C1orf53: variants seen among roughly 807,000 people sequenced by gnomAD.
C1orf53 encodes uncharacterized protein C1orf53.
Under a neutral mutation model 17.5 loss-of-function variants are expected in C1orf53, and 23 were observed. The ratio of observed to expected loss-of-function variants is 1.31; its 90% CI spans 0.94 to 1.86. The LOEUF (loss-of-function observed/expected upper bound fraction) is 1.86. C1orf53 is among the 40% of genes most tolerant of loss of function. C1orf53 has a pLI of 0.00. For synonymous variants in C1orf53, 108 were observed against 81.9 expected (o/e 1.32, Z -1.72); for missense variants, 255 against 193.2 (o/e 1.32, Z -1.89).
chr1:197,904,389 AGG>A lies in C1orf53; in HGVS notation c.265-1404_265-1403del, dbSNP rs1180077084. Among the ~76,000 whole-genome samples the A allele has an allele frequency of 2.0e-5, 3 of 152,364 alleles. No individual in the cohort carries two copies. The East Asian group carries it at 5.8e-4, about 29-fold the overall frequency. On this transcript the variant is annotated intron_variant, in intron 1 of 2. Coordinates refer to ENST00000367393, the MANE Select transcript of C1orf53 (RefSeq NM_001024594.3). ...CAATCAACATGGAAAGCTGTAGAGC[AGG>A]GGCATGCGCAGGAGCAATCTGTTAG...
rs201010526 is a variant in C1orf53, at chr1:197,902,733, G to C, written c.84G>C (p.Trp28Cys). 2 of 1,560,396 alleles carry C rather than the reference G, an allele frequency of 1.3e-6. No individual in the cohort carries two copies. The highest frequency in any genetic ancestry group is 1.8e-5 in the Admixed American group (1 of 55,270). The change falls in exon 1 of 3, where the codon TGG becomes TGC. Residue 28 changes from tryptophan (W) to cysteine (C), a missense_variant. Coordinates refer to ENST00000367393, the MANE Select transcript of C1orf53 (RefSeq NM_001024594.3). ...CCGCCCCGCCGCCAGCACCTCTCTG[G>C]GTAAGAGCTGGGTTCCGACAGCAGC... is the stretch of plus-strand genomic sequence containing the variant. ...PSAAPPPAPL[W>C]VRAGFRQQLS...
intron 1 of C1orf53, 81 bp downstream of exon 1, chr1:197,902,994 C>T: frequency 4.8e-6 from 6 of 1,248,008 alleles, no homozygotes; most frequent in Admixed American, 4.3e-5. Context: ...CCTCTCCGGA[C>T]CCGGAGGCCG....
chr1:197,905,778 C>T lies in C1orf53; in HGVS notation c.265-18C>T. On this transcript the variant is annotated intron_variant, in intron 1 of 2. Coordinates refer to ENST00000367393, the MANE Select transcript of C1orf53 (RefSeq NM_001024594.3). ...GAATATTGAGATTAATGAATTGTTTCATTTTATTGCACTTCAGGCTGGCCA... is the reference window on the plus strand; with the variant it reads ...GAATATTGAGATTAATGAATTGTTTTATTTTATTGCACTTCAGGCTGGCCA... 6.6e-7 allele frequency: 1 copy of T among 1,517,838 alleles called. No homozygotes were observed. The highest frequency in any genetic ancestry group is 9.1e-7 in the Non-Finnish European group (1 of 1,093,232). The allele number at this position is 1,517,838 out of a possible 1,614,324, so 94.0% of individuals were successfully genotyped here. A position where few individuals can be genotyped will look rare whatever the true frequency, so the allele number is the denominator to read the frequency against.
intron 1 of C1orf53, 91 bp downstream of exon 1, chr1:197,903,004 G>T (rs1571766615): frequency 8.4e-7 from 1 of 1,192,466 alleles, no homozygotes; most frequent in Middle Eastern, 3.1e-4. Context: ...CCCGGAGGCC[G>T]CCCGGCAGAG....
In C1orf53 at chr1:197,902,800, G is replaced by T; in HGVS notation, c.151G>T (p.Gly51Cys). 2.5e-6 allele frequency: 4 copies of T among 1,579,712 alleles called. No individual in the cohort carries two copies. The South Asian group carries it at 4.6e-5, about 18-fold the overall frequency. ...LCPANEGNCG[G>C]SAPSTPGRPE... The stretch of plus-strand genomic sequence containing the variant: ...CCCTGCTAACGAGGGAAACTGCGGC[G>T]GCTCCGCGCCCAGCACGCCCGGTAG... The change falls in exon 1 of 3, where the codon GGC becomes TGC. Residue 51 changes from glycine to cysteine, a missense_variant. Physicochemically the swap from Gly to Cys is radical, Grantham distance 159 (BLOSUM62 -3). Transcript: ENST00000367393.
chr1:197,902,894 T>G lies in C1orf53; in HGVS notation c.245T>G (p.Leu82Arg), dbSNP rs1156947622. 2.0e-6 allele frequency: 3 copies of G among 1,482,608 alleles called. No homozygotes were observed. Among genetic ancestry groups the G allele is most frequent in the Admixed American group, 2.3e-5 (1 of 43,588 alleles). 91.8% of individuals were successfully genotyped at this position (1,482,608 alleles called of 1,614,324 possible). The stretch of plus-strand genomic sequence containing the variant: ...GCGGCGGAGCGACAGATCGCGGAGC[T>G]GCACGCTGCCGCCTGCGCGGTGAGA... ...LTAAERQIAELHAAACAAGQL... is the reference protein window; with the variant it reads ...LTAAERQIAERHAAACAAGQL... The change falls in exon 1 of 3, where the codon CTG becomes CGG. Residue 82 changes from leucine to arginine, a missense_variant. Coordinates refer to ENST00000367393, the MANE Select transcript of C1orf53 (RefSeq NM_001024594.3).
intron 1 of C1orf53, among the ~76,000 whole-genome samples, chr1:197,905,244 CAA>C (rs201785555): frequency 1.4e-5 from 2 of 140,854 alleles, no homozygotes; most frequent in Admixed American, 7.1e-5. Flanking sequence ...AACACACCAG[CAA>C]AAAAAAAAAT....
chr1:197,903,340 G>T lies in C1orf53; in HGVS notation c.264+427G>T, dbSNP rs949140286. Among the ~76,000 whole-genome samples, 5 of 152,280 alleles carry T rather than the reference G, an allele frequency of 3.3e-5. No individual in the cohort carries two copies. The Middle Eastern group carries it at 0.01, about 311-fold the overall frequency. On this transcript the variant is annotated intron_variant, in intron 1 of 2. Coordinates refer to ENST00000367393, the MANE Select transcript of C1orf53 (RefSeq NM_001024594.3). The stretch of plus-strand genomic sequence containing the variant: ...ACTTAGCAATCCAGTGATTCTTAGA[G>T]TGAGAAAAAAAGACATTGACACATT...
Position 197,905,862 on chromosome 1 carries a change from C to T in C1orf53, c.331C>T (p.Gln111Ter), listed in dbSNP as rs749731186. The change falls in exon 2 of 3, where the codon CAA becomes TAA. Residue 111 changes from glutamine (Q) to a stop codon, truncating the protein, a stop_gained. Transcript: ENST00000367393. LOFTEE classifies it high-confidence loss of function. Reference protein sequence around the residue: ...YVVLTQIAHLQRGECCGSACR... With the variant: ...YVVLTQIAHL ...GGTGCTCACACAGATTGCCCACTTG[C>T]AAAGAGGTGAATGTTGTGGCTCTGC... is the stretch of plus-strand genomic sequence containing the variant. The T allele has an allele frequency of 3.0e-5, 49 of 1,613,792 alleles. No homozygotes were observed. Among genetic ancestry groups the T allele is most frequent in the African/African-American group, 8.0e-5 (6 of 74,912 alleles).
intron 2 of C1orf53, among the ~76,000 whole-genome samples, 178 bp from the exon 3 acceptor site, chr1:197,906,971 C>T (rs977012551): frequency 6.6e-6 from 1 of 152,040 alleles, no homozygotes; most frequent in Non-Finnish European, 1.5e-5. Flanking sequence ...GGTTCTTGGA[C>T]CCTAATTAGG....
Position 197,902,730 on chromosome 1 carries a change from C to A in C1orf53, c.81C>A (p.Leu27=). The change falls in exon 1 of 3, where the codon CTC becomes CTA. Residue 27 remains leucine (L), a synonymous_variant. Transcript: ENST00000367393. ...QPSAAPPPAP[L]WVRAGFRQQL... Reference sequence around the variant, plus strand: ...CCGCCGCCCCGCCGCCAGCACCTCTCTGGGTAAGAGCTGGGTTCCGACAGC... The same window carrying A: ...CCGCCGCCCCGCCGCCAGCACCTCTATGGGTAAGAGCTGGGTTCCGACAGC... The A allele has an allele frequency of 6.4e-7, 1 of 1,558,396 alleles. No homozygotes were observed. The highest frequency in any genetic ancestry group is 1.8e-5 in the Admixed American group (1 of 55,034).
chr1:197,904,257 A>G (rs1412943216), intron 1 of C1orf53, among the ~76,000 whole-genome samples: 1 of 152,158 alleles, frequency 6.6e-6, no homozygotes, highest in Non-Finnish European at 1.5e-5. Flanking sequence ...CTCCAGTCAA[A>G]CTGTCAGCAC....
chr1:197,904,456 A>G (rs1162020560), intron 1 of C1orf53, among the ~76,000 whole-genome samples: 4 of 152,260 alleles, frequency 2.6e-5, no homozygotes, highest in African/African-American at 9.6e-5. Context: ...GAAGACTCCC[A>G]GAAGCTATGA....
intron 1 of C1orf53, among the ~76,000 whole-genome samples, chr1:197,903,660 G>T (rs1476782952): frequency 5.3e-5 from 8 of 152,224 alleles, no homozygotes; most frequent in South Asian, 2.1e-4. Flanking sequence ...TAAGCTATGT[G>T]TGTGTGCCTC....
At chr1:197,905,185 G>A (rs544593684) in intron 1 of C1orf53, among the ~76,000 whole-genome samples, 1 of 148,776 alleles carries the variant, frequency 6.7e-6, no homozygotes, top group South Asian at 2.1e-4. Context: ...AAAGCTGTGA[G>A]TGTTAATATG....
rs202128014 is a variant in C1orf53, at chr1:197,902,785, G to C, written c.136G>C (p.Glu46Gln). The C allele has an allele frequency of 4.1e-3, 6,494 of 1,581,358 alleles. 30 individuals are homozygous for C. The highest frequency in any genetic ancestry group is 6.1e-3 in the South Asian group (536 of 87,482). The change falls in exon 1 of 3, where the codon GAG becomes CAG. Residue 46 changes from glutamate to glutamine, a missense_variant. Glu to Gln is a conservative substitution (Grantham distance 29). Transcript: ENST00000367393. ...CAGCTTAACCCTCTGCCCTGCTAAC[G>C]AGGGAAACTGCGGCGGCTCCGCGCC... Reference protein sequence around the residue: ...QLSLTLCPANEGNCGGSAPST... With the variant: ...QLSLTLCPANQGNCGGSAPST...
In C1orf53 at chr1:197,904,908, G is replaced by GAA. The variant is rs35015853; in HGVS notation, c.265-882_265-881dup. 2.3e-3 allele frequency among the ~76,000 whole-genome samples: 355 copies of GAA among 152,222 alleles called. 1 individual carries two copies. The highest frequency in any genetic ancestry group is 7.7e-3 in the African/African-American group (319 of 41,504). The stretch of plus-strand genomic sequence containing the variant: ...ATGCAAGTTTCATGTGTATTTTAAT[G>GAA]AAAAAAACTCTGTACAAGATTGATG... On this transcript the variant is annotated intron_variant, in intron 1 of 2. Coordinates refer to ENST00000367393, the MANE Select transcript of C1orf53 (RefSeq NM_001024594.3).
intron 1 of C1orf53, among the ~76,000 whole-genome samples, chr1:197,903,250 AGGT>A: frequency 6.6e-6 from 1 of 152,288 alleles, no homozygotes; most frequent in African/African-American, 2.4e-5. Flanking sequence ...TTGATGGAGA[AGGT>A]GGAGGGACTG....
chr1:197,907,329 A>G lies in C1orf53; in HGVS notation c.*109A>G, dbSNP rs1659536488. 1.9e-6 allele frequency: 1 copy of G among 532,544 alleles called. No individual in the cohort carries two copies. The highest frequency in any genetic ancestry group is 3.4e-5 in the East Asian group (1 of 29,786). 33.0% of individuals were successfully genotyped at this position (532,544 alleles called of 1,614,324 possible). On this transcript the variant is annotated 3_prime_UTR_variant, in exon 3 of 3. Transcript: ENST00000367393. Reference sequence around the variant, plus strand: ...CTTGAACACTAGTTTAATCCTAAATACATATATTAAAAGAACATCAATAAA... The same window carrying G: ...CTTGAACACTAGTTTAATCCTAAATGCATATATTAAAAGAACATCAATAAA...
Sources: gnomAD v4.1 joint callset for allele counts (sites outside exome capture counted in the v4.1 genomes callset) on GRCh38, gnomAD v4.1.1 for gene constraint, MANE v1.5 for transcripts, NCBI Gene and HGNC (gene_info 2026-07-23, HGNC 2026-07-21) for gene names.